The following GPHN variants were observed in gnomAD, a reference collection of about 807,000 sequenced individuals.
GPHN encodes gephyrin.
Under a neutral mutation model 95.5 loss-of-function variants are expected in GPHN, and 17 were observed. The observed-to-expected ratio is 0.18, with a 90% CI of 0.12 to 0.27. GPHN has a LOEUF of 0.27. Ranked by LOEUF, GPHN falls within the 10% of genes least tolerant of loss-of-function variation. GPHN has a pLI of 1.00. For synonymous variants in GPHN, 320 were observed against 322.5 expected (o/e 0.99, Z 0.08); for missense variants, 660 against 978.1 (o/e 0.67, Z 4.34).
At chr14:66,915,161 A>G (rs989161665) in intron 5 of GPHN, among the ~76,000 whole-genome samples, 1 of 152,212 alleles carries the variant, frequency 6.6e-6, no homozygotes, top group African/African-American at 2.4e-5. Flanking sequence ...ATTTCAGAGA[A>G]TAAGAGTGGT....
At chr14:66,991,084 T>C (rs1391193257) in intron 9 of GPHN, among the ~76,000 whole-genome samples, 1 of 152,076 alleles carries the variant, frequency 6.6e-6, no homozygotes, top group Admixed American at 6.6e-5. Flanking sequence ...ATAATGTTTA[T>C]TTCTCATATT....
At chr14:67,353,168 T>A in the GPHN span, 1 of 677,730 alleles carries the variant, frequency 1.5e-6, no homozygotes, top group Non-Finnish European at 2.4e-6. Context: ...TATAGAGAAT[T>A]TGTAGCTGAC....
the GPHN span, chr14:67,385,791 A>G: frequency 3.3e-5 from 5 of 150,974 alleles, no homozygotes; most frequent in South Asian, 2.1e-4. Context: ...ACCATTTTTC[A>G]TATCAGTTAT....
At chr14:67,587,466 A>T in the GPHN span, 10 of 565,474 alleles carry the variant, frequency 1.8e-5, no homozygotes, top group East Asian at 3.1e-4. Context: ...TCCTTTTTTC[A>T]TAAGAATAAT....
At chr14:66,814,340 C>G (rs2060881192) in intron 3 of GPHN, among the ~76,000 whole-genome samples, 1 of 152,174 alleles carries the variant, frequency 6.6e-6, no homozygotes, top group African/African-American at 2.4e-5. Flanking sequence ...GCAAGGGCCC[C>G]CCATCCCCCA....
At chr14:67,521,850 G>A in the GPHN span, among the ~76,000 whole-genome samples, 10 of 152,274 alleles carry the variant, frequency 6.6e-5, no homozygotes, top group East Asian at 1.9e-4. Flanking sequence ...AACTGTGATC[G>A]TAAGTCTTTT....
At chr14:67,405,910 C>T in the GPHN span, among the ~76,000 whole-genome samples, 26 of 152,282 alleles carry the variant, frequency 1.7e-4, no homozygotes, top group South Asian at 1.0e-3. Flanking sequence ...CTTGCAGCTA[C>T]GCTGTTACTG....
chr14:66,664,377 G>A (rs1296203506), intron 1 of GPHN, among the ~76,000 whole-genome samples: 1 of 152,092 alleles, frequency 6.6e-6, no homozygotes, highest in Non-Finnish European at 1.5e-5. Flanking sequence ...ACCTGCCCCT[G>A]AATGACTTTT....
intron 1 of GPHN, among the ~76,000 whole-genome samples, chr14:66,521,796 G>A (rs1276065464): frequency 2.0e-5 from 3 of 152,114 alleles, no homozygotes; most frequent in Non-Finnish European, 4.4e-5. Context: ...CAACATTTTG[G>A]AGGGGGACGC....
chr14:67,339,643 T>C, the GPHN span, among the ~76,000 whole-genome samples: 1 of 152,194 alleles, frequency 6.6e-6, no homozygotes, highest in Admixed American at 6.5e-5. Context: ...CTGTGCTAAT[T>C]CTCTAATGGC....
At chr14:66,566,700 A>G (rs886706689) in intron 1 of GPHN, among the ~76,000 whole-genome samples, 9 of 152,078 alleles carry the variant, frequency 5.9e-5, no homozygotes, top group African/African-American at 2.2e-4. Flanking sequence ...GAACTGGAGG[A>G]ATTGTTTTGC....
At chr14:67,164,315 T>A (rs1230359237) in intron 19 of GPHN, among the ~76,000 whole-genome samples, 3 of 149,258 alleles carry the variant, frequency 2.0e-5, no homozygotes, top group East Asian at 2.0e-4. Flanking sequence ...GTTCTAGTCA[T>A]GATATTTTAT....
At chr14:67,155,641 T>C (rs2081540200) in intron 18 of GPHN, among the ~76,000 whole-genome samples, 1 of 152,076 alleles carries the variant, frequency 6.6e-6, no homozygotes, top group Non-Finnish European at 1.5e-5. Flanking sequence ...ACAAATGGGA[T>C]GTGGTGAAAG....
intron 9 of GPHN, among the ~76,000 whole-genome samples, 178 bp downstream of exon 9, chr14:66,965,503 G>T (rs1055922182): frequency 6.6e-6 from 1 of 152,162 alleles, no homozygotes; most frequent in African/African-American, 2.4e-5. Flanking sequence ...TAGGCCACTA[G>T]TAGGACAATA....
chr14:67,246,883 C>T, the GPHN span, among the ~76,000 whole-genome samples: 2 of 152,112 alleles, frequency 1.3e-5, no homozygotes, highest in South Asian at 4.1e-4. Flanking sequence ...ATCTCCTGAC[C>T]TCGTGATCTG....
At chr14:67,415,657 A>G in the GPHN span, among the ~76,000 whole-genome samples, 6 of 152,246 alleles carry the variant, frequency 3.9e-5, no homozygotes, top group South Asian at 2.1e-4. Context: ...ACATCATTCT[A>G]TTATAAAGAT....
In GPHN at chr14:66,919,217, G is replaced by A. The variant is rs57219950; in HGVS notation, c.456+3148G>A. On this transcript the variant is annotated intron_variant, in intron 6 of 22. Coordinates refer to ENST00000478722, the MANE Select transcript of GPHN (RefSeq NM_020806.5). ...GACAAAATAATCTGGTTCTCACCTCGGTTGTTAGTTCTACTGCCCTGCTCT... is the reference window on the plus strand; with the variant it reads ...GACAAAATAATCTGGTTCTCACCTCAGTTGTTAGTTCTACTGCCCTGCTCT... Among the ~76,000 whole-genome samples, 383 of 152,176 alleles carry A rather than the reference G, an allele frequency of 2.5e-3. 2 individuals are homozygous for A. Among genetic ancestry groups the A allele is most frequent in the East Asian group, 0.021 (106 of 5,168 alleles).
chr14:66,579,815 A>G (rs2061080090), intron 1 of GPHN, among the ~76,000 whole-genome samples: 1 of 151,846 alleles, frequency 6.6e-6, no homozygotes, highest in Non-Finnish European at 1.5e-5. Context: ...GAAAATCAAT[A>G]TGGAATTTGA....
chr14:66,923,830 G>A (rs1336792491), intron 7 of GPHN, among the ~76,000 whole-genome samples: 1 of 151,520 alleles, frequency 6.6e-6, no homozygotes, highest in Non-Finnish European at 1.5e-5. Flanking sequence ...TAGAATCATC[G>A]AGAAATCCTT....
Sources: gnomAD v4.1 joint callset for allele counts (sites outside exome capture counted in the v4.1 genomes callset) on GRCh38, gnomAD v4.1.1 for gene constraint, MANE v1.5 for transcripts, NCBI Gene and HGNC (gene_info 2026-07-23, HGNC 2026-07-21) for gene names.